Variants in SNW1 observed in about 807,000 individuals in gnomAD.
The protein encoded by SNW1 is SNW domain-containing protein 1.
Under a neutral mutation model 75.6 loss-of-function variants are expected in SNW1, and 9 were observed. That is an observed-to-expected ratio of 0.12 (90% CI 0.07 to 0.21). SNW1 has a LOEUF of 0.21. Ranked by LOEUF, SNW1 falls within the 10% of genes least tolerant of loss-of-function variation. SNW1 has a pLI of 1.00. For missense variants in SNW1, 409 were observed against 670.9 expected (o/e 0.61, Z 4.31); for synonymous variants, 200 against 219.1 (o/e 0.91, Z 0.77).
At chr14:77,722,574 A>T in intron 11 of SNW1, 1 of 428,656 alleles carries the variant, frequency 2.3e-6, no homozygotes, top group Non-Finnish European at 4.6e-6. Flanking sequence ...GTCCAAATTT[A>T]CTACTACATC....
chr14:77,739,961 C>T lies in SNW1; in HGVS notation c.331-900G>A, dbSNP rs545324283. Among the ~76,000 whole-genome samples the T allele has an allele frequency of 4.6e-5, 7 of 151,546 alleles. 1 individual carries two copies. The South Asian group carries it at 1.3e-3, about 27-fold the overall frequency. The stretch of plus-strand genomic sequence containing the variant: ...CATACTAGCTAACATGGTGAAACCC[C>T]GTCTCTACTAAAAATACAAAAAATT... On this transcript the variant is annotated intron_variant, in intron 3 of 13. Coordinates refer to ENST00000261531, the MANE Select transcript of SNW1 (RefSeq NM_012245.3).
At chr14:77,725,738 C>G (rs550632974) in intron 10 of SNW1, among the ~76,000 whole-genome samples, 4 of 152,116 alleles carry the variant, frequency 2.6e-5, no homozygotes, top group Non-Finnish European at 5.9e-5. Context: ...GGTGTAATGG[C>G]AAAACCCTGT....
intron 1 of SNW1, 24 bp downstream of exon 1, chr14:77,761,090 C>T (rs763876145): frequency 6.2e-7 from 1 of 1,614,268 alleles, no homozygotes; most frequent in East Asian, 2.2e-5. Context: ...CCTTCCGTAT[C>T]GAGGACCCCA....
At chr14:77,740,913 A>G (rs895237704) in intron 3 of SNW1, among the ~76,000 whole-genome samples, 1 of 151,986 alleles carries the variant, frequency 6.6e-6, no homozygotes, top group African/African-American at 2.4e-5. Context: ...CCTGACCAAC[A>G]TGGTGAAACC....
chr14:77,724,597 G>A (rs920866610), intron 10 of SNW1, among the ~76,000 whole-genome samples: 13 of 152,100 alleles, frequency 8.5e-5, no homozygotes, highest in Admixed American at 5.9e-4. Context: ...CATACAAGTG[G>A]GAAGATTCAG....
chr14:77,735,579 G>A (rs1453078666), intron 7 of SNW1, among the ~76,000 whole-genome samples: 9 of 152,178 alleles, frequency 5.9e-5, no homozygotes, highest in African/African-American at 9.7e-5. Context: ...CACCACGCCC[G>A]GCCGATGTGA....
In SNW1 at chr14:77,761,115, T is replaced by G. The variant is rs1250966323; in HGVS notation, c.13A>C (p.Ser5Arg). The G allele has an allele frequency of 1.2e-6, 2 of 1,614,136 alleles. No individual in the cohort carries two copies. Among genetic ancestry groups the G allele is most frequent in the Non-Finnish European group, 1.7e-6 (2 of 1,180,046 alleles). ...CGAGGACCCCAATCAACAACCCACC[T>G]GGTGAGCGCCATCTTCTTCCGCTTC... MALT[S>R]FLPAPTQLSQ... is the part of the protein sequence containing the mutation. The change falls in exon 1 of 14, where the codon AGC becomes CGC. Residue 5 changes from serine to arginine, a missense_variant and splice_region_variant. By Grantham distance (110) the Ser-to-Arg change is moderately radical. Transcript: ENST00000261531.
Position 77,735,924 on chromosome 14 carries a change from C to T in SNW1, c.708+13G>A, listed in dbSNP as rs776756041. 1.2e-6 allele frequency: 2 copies of T among 1,610,072 alleles called. No homozygotes were observed. Among genetic ancestry groups the T allele is most frequent in the Admixed American group, 1.7e-5 (1 of 59,814 alleles). ...GAGTAGAAAAAAATATTTTGGACTACAGCAAAGAATACCTTTCGGCTAGGA... is the reference window on the plus strand; with the variant it reads ...GAGTAGAAAAAAATATTTTGGACTATAGCAAAGAATACCTTTCGGCTAGGA... On this transcript the variant is annotated intron_variant, in intron 7 of 13. Transcript: ENST00000261531.
intron 3 of SNW1, among the ~76,000 whole-genome samples, chr14:77,742,590 A>G (rs1464834383): frequency 2.0e-5 from 3 of 152,188 alleles, no homozygotes; most frequent in Admixed American, 1.3e-4. Flanking sequence ...AGGTAGAAAG[A>G]AAACGCTAAT....
At chr14:77,743,392 GAAT>G (rs943296176) in intron 3 of SNW1, among the ~76,000 whole-genome samples, 2 of 152,202 alleles carry the variant, frequency 1.3e-5, no homozygotes, top group African/African-American at 4.8e-5. Flanking sequence ...ACTTGTCCTA[GAAT>G]ATTACGTCTT....
At chr14:77,736,575 A>G (rs2080674321) in intron 6 of SNW1, among the ~76,000 whole-genome samples, 1 of 152,084 alleles carries the variant, frequency 6.6e-6, no homozygotes, top group Admixed American at 6.5e-5. Flanking sequence ...AACAAAAACA[A>G]AAACAAAAAA....
At chr14:77,753,958 T>TA (rs1318621066) in intron 2 of SNW1, among the ~76,000 whole-genome samples, 6 of 150,598 alleles carry the variant, frequency 4.0e-5, no homozygotes, top group East Asian at 2.0e-4. Context: ...ATCCCAAAAA[T>TA]AAAAAAAATA....
At chr14:77,744,025 C>A (rs995626484) in intron 3 of SNW1, among the ~76,000 whole-genome samples, 3 of 151,694 alleles carry the variant, frequency 2.0e-5, no homozygotes, top group Middle Eastern at 3.4e-3. Flanking sequence ...AAGCAACGAT[C>A]TGGCCGGGTG....
At chr14:77,732,106 C>G (rs176980) in intron 9 of SNW1, among the ~76,000 whole-genome samples, 124,495 of 152,244 alleles carry the variant, frequency 0.82, 51,035 homozygotes, top group South Asian at 0.86. Context: ...ATTTTATGTA[C>G]TATTCAATTC....
intron 3 of SNW1, among the ~76,000 whole-genome samples, chr14:77,749,624 G>T (rs1411488314): frequency 1.3e-5 from 2 of 152,080 alleles, no homozygotes; most frequent in Non-Finnish European, 2.9e-5. Flanking sequence ...AAAATTCACC[G>T]GGCATGGTGG....
At chr14:77,742,312 A>G (rs934300359) in intron 3 of SNW1, among the ~76,000 whole-genome samples, 2 of 152,180 alleles carry the variant, frequency 1.3e-5, no homozygotes, top group African/African-American at 4.8e-5. Flanking sequence ...CTGGGATTAC[A>G]GGCGTGAGCC....
chr14:77,717,697 T>A lies in SNW1; in HGVS notation c.*391A>T. 1.3e-6 allele frequency: 1 copy of A among 748,408 alleles called. No homozygotes were observed. The allele number at this position is 748,408 out of a possible 1,614,324, so 46.4% of individuals were successfully genotyped here. On this transcript the variant is annotated 3_prime_UTR_variant, in exon 14 of 14. Transcript: ENST00000261531. ...AACAGAGCACAATAGGGGCAAAATT[T>A]ATTTGGCAGGACAGTTCCAGTATGT...
chr14:77,738,999 G>A lies in SNW1; in HGVS notation c.393C>T (p.Asp131=). The A allele has an allele frequency of 6.2e-7, 1 of 1,613,992 alleles. No homozygotes were observed. Among genetic ancestry groups the A allele is most frequent in the African/African-American group, 1.3e-5 (1 of 75,008 alleles). The change falls in exon 4 of 14, where the codon GAC becomes GAT. Residue 131 remains aspartate (D), a synonymous_variant. Transcript: ENST00000261531. The part of the protein sequence containing the change: ...PKEVMNADDP[D]LQRPDEEAIK... Reference sequence around the variant, plus strand: ...TAGCTTCTTCATCGGGCCTTTGCAGGTCTGGATCATCTGCATTCATAACCT... The same window carrying A: ...TAGCTTCTTCATCGGGCCTTTGCAGATCTGGATCATCTGCATTCATAACCT...
chr14:77,741,032 G>A (rs1566832249), intron 3 of SNW1, among the ~76,000 whole-genome samples: 1 of 147,624 alleles, frequency 6.8e-6, no homozygotes, highest in Non-Finnish European at 1.5e-5. Flanking sequence ...AGGAGACGGA[G>A]GTGACAGTGA....
Sources: gnomAD v4.1 joint callset for allele counts (sites outside exome capture counted in the v4.1 genomes callset) on GRCh38, gnomAD v4.1.1 for gene constraint, MANE v1.5 for transcripts, NCBI Gene and HGNC (gene_info 2026-07-23, HGNC 2026-07-21) for gene names.